The following PPP2R5A variants were observed in gnomAD, a reference collection of about 807,000 sequenced individuals.
The protein encoded by PPP2R5A is serine/threonine-protein phosphatase 2A 56 kDa regulatory subunit alpha isoform.
Under a neutral mutation model 64.2 loss-of-function variants are expected in PPP2R5A, and 25 were observed. The observed-to-expected ratio is 0.39, with a 90% CI of 0.28 to 0.54. PPP2R5A has a LOEUF of 0.54. Ranked by LOEUF, PPP2R5A falls within the 20% of genes least tolerant of loss-of-function variation. The pLI is 0.67. For synonymous variants in PPP2R5A, 198 were observed against 201.2 expected (o/e 0.98, Z 0.13); for missense variants, 425 against 576.3 (o/e 0.74, Z 2.69).
rs911610042 is a variant in PPP2R5A at position 212,333,516 on chromosome 1, G to A, written c.398G>A (p.Arg133His). The A allele has an allele frequency of 1.9e-5, 30 of 1,594,574 alleles. No individual in the cohort carries two copies. Among genetic ancestry groups the A allele is most frequent in the Non-Finnish European group, 2.5e-5 (29 of 1,168,332 alleles). Reference sequence around the variant, plus strand: ...TTACAGATCAGTGCTAACATCTTCCGTACACTTCCTCCAAGTGATAATCCA... The same window carrying A: ...TTACAGATCAGTGCTAACATCTTCCATACACTTCCTCCAAGTGATAATCCA... ...IVKMISANIF[R>H]TLPPSDNPDF... The change falls in exon 3 of 13, where the codon CGT (arginine) becomes CAT (histidine). Residue 133 changes from arginine (R) to histidine (H), a missense_variant. This residue lies in a region of PPP2R5A where 140 missense variants were observed against 204.4 expected (regional missense o/e 0.68). Transcript: ENST00000261461.
intron 1 of PPP2R5A, among the ~76,000 whole-genome samples, chr1:212,289,269 C>T (rs1167671714): frequency 6.6e-6 from 1 of 152,142 alleles, no homozygotes; most frequent in African/African-American, 2.4e-5. Context: ...AACCCTTAAT[C>T]CCTGTGTATC....
chr1:212,351,225 A>G (rs2102446561), intron 8 of PPP2R5A, among the ~76,000 whole-genome samples: 1 of 152,186 alleles, frequency 6.6e-6, no homozygotes, highest in East Asian at 1.9e-4. Flanking sequence ...ATGAGGAGAG[A>G]GAGTAAGATA....
chr1:212,338,606 G>T (rs1026338262), intron 3 of PPP2R5A, among the ~76,000 whole-genome samples: 4 of 151,962 alleles, frequency 2.6e-5, no homozygotes, highest in African/African-American at 9.7e-5. Flanking sequence ...GAACAACATG[G>T]TGAAACCCCG....
chr1:212,331,057 A>AT (rs1271172895), intron 2 of PPP2R5A, among the ~76,000 whole-genome samples: 1 of 151,074 alleles, frequency 6.6e-6, no homozygotes, highest in African/African-American at 2.4e-5. Context: ...AATCCCAACT[A>AT]TTTGGGAGGC....
At chr1:212,323,812 G>A (rs936971363) in intron 1 of PPP2R5A, among the ~76,000 whole-genome samples, 8 of 152,124 alleles carry the variant, frequency 5.3e-5, no homozygotes, top group Non-Finnish European at 1.0e-4. Context: ...GGTGGCTCAC[G>A]CCTGTAATCC....
chr1:212,339,223 G>C (rs1391131778), intron 3 of PPP2R5A, among the ~76,000 whole-genome samples: 4 of 152,046 alleles, frequency 2.6e-5, no homozygotes, highest in Admixed American at 2.0e-4. Flanking sequence ...TGTTGCCCAG[G>C]CTGGAATGCA....
chr1:212,322,028 A>G (rs1659306857), intron 1 of PPP2R5A, among the ~76,000 whole-genome samples: 1 of 151,736 alleles, frequency 6.6e-6, no homozygotes, highest in South Asian at 2.1e-4. Flanking sequence ...TCCACCAAAA[A>G]AATACGAAAA....
chr1:212,324,772 T>G (rs554330995), intron 1 of PPP2R5A, among the ~76,000 whole-genome samples: 9 of 152,168 alleles, frequency 5.9e-5, no homozygotes, highest in African/African-American at 2.2e-4. Context: ...GCCCGGCTAA[T>G]TTTTTGTTAC....
At position 212,318,859 on chromosome 1, in the gene PPP2R5A, A is replaced by G. The variant is rs75099390; in HGVS notation, c.182-10276A>G. ...ATTTAAAGTATACAGGAGGCTATGCATAGGTTAATGCAAATACTAGACCAT... is the reference window on the plus strand; with the variant it reads ...ATTTAAAGTATACAGGAGGCTATGCGTAGGTTAATGCAAATACTAGACCAT... On this transcript the variant is annotated intron_variant, in intron 1 of 12. Transcript: ENST00000261461. 4.9e-3 allele frequency among the ~76,000 whole-genome samples: 741 copies of G among 152,352 alleles called. 8 individuals carry two copies. Among genetic ancestry groups the G allele is most frequent in the Middle Eastern group, 0.017 (5 of 294 alleles).
chr1:212,355,289 T>C (rs1024061650), intron 8 of PPP2R5A, among the ~76,000 whole-genome samples: 3 of 152,190 alleles, frequency 2.0e-5, no homozygotes, highest in African/African-American at 7.2e-5. Context: ...CAGGGTTTTT[T>C]TTTAAGTTTT....
intron 1 of PPP2R5A, among the ~76,000 whole-genome samples, chr1:212,328,815 A>G (rs792433): frequency 0.84 from 127,412 of 152,160 alleles, 53,841 homozygotes; most frequent in African/African-American, 0.96. Flanking sequence ...GATTAGCTGG[A>G]TATGGTGGCA....
intron 12 of PPP2R5A, among the ~76,000 whole-genome samples, chr1:212,359,876 T>C (rs1660049396): frequency 6.6e-6 from 1 of 152,176 alleles, no homozygotes; most frequent in Non-Finnish European, 1.5e-5. Context: ...GAAACTTGTA[T>C]TTGAAAAATA....
chr1:212,290,763 T>G (rs766273352), intron 1 of PPP2R5A, among the ~76,000 whole-genome samples: 2 of 152,332 alleles, frequency 1.3e-5, no homozygotes, highest in Non-Finnish European at 2.9e-5. Context: ...TTTGGTAAAA[T>G]AATGCAACCA....
At chr1:212,336,025 T>A (rs1659589369) in intron 3 of PPP2R5A, among the ~76,000 whole-genome samples, 1 of 152,214 alleles carries the variant, frequency 6.6e-6, no homozygotes, top group South Asian at 2.1e-4. Context: ...TGGTATGATT[T>A]GAGGTTTTAT....
rs183542286 is a variant in PPP2R5A at position 212,350,586 on chromosome 1, G to A, written c.927+1344G>A. The stretch of plus-strand genomic sequence containing the variant: ...CAAGAATTGCTTGAATCCAGGAGGC[G>A]TAGGTTGCAGTGATCTGAGCTCATA... On this transcript the variant is annotated intron_variant, in intron 8 of 12. Coordinates refer to ENST00000261461, the MANE Select transcript of PPP2R5A (RefSeq NM_006243.4). Among the ~76,000 whole-genome samples the A allele has an allele frequency of 3.2e-3, 491 of 151,826 alleles. 5 individuals carry two copies. Among genetic ancestry groups the A allele is most frequent in the African/African-American group, 0.011 (468 of 41,420 alleles).
chr1:212,346,177 CTT>C (rs1659773263), intron 5 of PPP2R5A, among the ~76,000 whole-genome samples: 2 of 151,714 alleles, frequency 1.3e-5, no homozygotes, highest in African/African-American at 4.8e-5. Context: ...ATTTTTTTGA[CTT>C]TTAGTAGAGA....
At chr1:212,316,217 T>C (rs1469814752) in intron 1 of PPP2R5A, among the ~76,000 whole-genome samples, 1 of 152,182 alleles carries the variant, frequency 6.6e-6, no homozygotes, top group Non-Finnish European at 1.5e-5. Context: ...AAAGCTGTGA[T>C]TGGCCAAAAG....
chr1:212,312,597 G>A (rs1226017295), intron 1 of PPP2R5A, among the ~76,000 whole-genome samples: 1 of 152,050 alleles, frequency 6.6e-6, no homozygotes, highest in Non-Finnish European at 1.5e-5. Flanking sequence ...CCTTATTTAG[G>A]ATTTCATAGC....
chr1:212,356,636 G>A lies in PPP2R5A; in HGVS notation c.938G>A (p.Gly313Glu). Residue 313 changes from glycine to glutamate, a missense_variant, in exon 9 of 13, where the codon GGA (glycine) becomes GAA (glutamate). Transcript: ENST00000261461. Reference protein sequence around the residue: ...DTTLTEPVIRGLLKFWPKTCS... With the variant: ...DTTLTEPVIRELLKFWPKTCS... The stretch of plus-strand genomic sequence containing the variant: ...TTTTCTTTTTCGCAGGTGATCAGAG[G>A]ACTGCTGAAATTTTGGCCAAAAACC... The A allele has an allele frequency of 6.2e-7, 1 of 1,612,316 alleles. No homozygotes were observed. The highest frequency in any genetic ancestry group is 8.5e-7 in the Non-Finnish European group (1 of 1,179,434).
Sources: allele counts gnomAD v4.1 joint callset (sites outside exome capture counted in the v4.1 genomes callset), GRCh38; gene constraint gnomAD v4.1.1; regional missense constraint gnomAD v4.1.1; transcripts MANE v1.5; gene names NCBI Gene and HGNC (gene_info 2026-07-23, HGNC 2026-07-21).